The following DACH1 variants were observed in gnomAD, a reference collection of about 807,000 sequenced individuals.
DACH1 encodes the protein dachshund family transcription factor 1.
In DACH1, 12 loss-of-function variants were observed where a neutral mutation model predicts 54.2. The observed-to-expected ratio is 0.22, with a 90% CI of 0.14 to 0.36. DACH1 has a LOEUF of 0.36. Among genes scored for constraint, DACH1 ranks in the 10% least tolerant of loss-of-function variants. The probability of loss-of-function intolerance (pLI) is 1.00; values close to 1 mark genes in which losing one functional copy is unlikely to be tolerated. For missense variants in DACH1, 805 were observed against 929.8 expected, an observed-to-expected ratio of 0.87 and a Z score of 1.75; for synonymous variants, 386 against 366.2, an observed-to-expected ratio of 1.05 and a Z score of -0.62.
chr13:71,866,758 C>T lies in DACH1; in HGVS notation c.12G>A (p.Pro4=). The T allele has an allele frequency of 7.3e-7, 1 of 1,375,462 alleles. No homozygotes were observed. The highest frequency in any genetic ancestry group is 9.5e-7 in the Non-Finnish European group (1 of 1,056,230). 85.2% of individuals were successfully genotyped at this position (1,375,462 alleles called of 1,614,324 possible). Residue 4 remains proline, a synonymous_variant, in exon 1 of 11, where the codon CCG becomes CCA. Transcript: ENST00000613252. ...GCTGGGTCGGAGGGATCAAAGCCGC[C>T]GGCACTGCCATGGTCACATATAAGG... MAV[P]AALIPPTQLV...
intron 2 of DACH1, among the ~76,000 whole-genome samples, chr13:71,673,910 C>T (rs1880376547): frequency 1.3e-5 from 2 of 151,956 alleles, no homozygotes; most frequent in African/African-American, 2.4e-5. Context: ...ATAATGCCTT[C>T]CATACACTTA....
intron 1 of DACH1, among the ~76,000 whole-genome samples, chr13:71,822,271 C>A (rs1403989274): frequency 6.6e-6 from 1 of 152,080 alleles, no homozygotes; most frequent in Non-Finnish European, 1.5e-5. Context: ...TTGTAGTGAA[C>A]AGAGATACTC....
At chr13:71,666,109 C>T (rs1435770713) in intron 2 of DACH1, among the ~76,000 whole-genome samples, 12 of 152,104 alleles carry the variant, frequency 7.9e-5, no homozygotes, top group East Asian at 7.7e-4. Flanking sequence ...CCAGAAACTA[C>T]GCTAGCAATA....
intron 3 of DACH1, among the ~76,000 whole-genome samples, chr13:71,611,009 A>G (rs1229659863): frequency 1.3e-5 from 2 of 152,214 alleles, no homozygotes; most frequent in Non-Finnish European, 1.5e-5. Context: ...CACAAAGCAT[A>G]TCACAGTCAG....
chr13:71,598,068 A>T (rs977334310), intron 3 of DACH1, among the ~76,000 whole-genome samples: 1 of 147,606 alleles, frequency 6.8e-6, no homozygotes, highest in Non-Finnish European at 1.5e-5. Context: ...CAACAGAGCA[A>T]GACCCTGTCA....
chr13:71,792,561 C>T lies in DACH1; in HGVS notation c.848+73361G>A, dbSNP rs190618883. Among the ~76,000 whole-genome samples the T allele has an allele frequency of 6.9e-3, 1,050 of 152,208 alleles. 11 individuals carry two copies. The highest frequency in any genetic ancestry group is 0.041 in the South Asian group (199 of 4,816). ...AGGGTGAACAAAAAATATTGTCAAA[C>T]TCAACTTGTAAAAATTTAAAATTGA... On this transcript the variant is annotated intron_variant, in intron 1 of 10. Coordinates refer to ENST00000613252, the MANE Select transcript of DACH1 (RefSeq NM_080759.6).
chr13:71,742,867 C>T (rs1884456371), intron 1 of DACH1, among the ~76,000 whole-genome samples: 1 of 152,138 alleles, frequency 6.6e-6, no homozygotes, highest in Non-Finnish European at 1.5e-5. Context: ...CTCAGCATCT[C>T]CTCTCTAAAG....
At chr13:71,587,991 C>G (rs1331022) in intron 3 of DACH1, among the ~76,000 whole-genome samples, 19,409 of 152,004 alleles carry the variant, frequency 0.13, 2,853 homozygotes, top group African/African-American at 0.36. Context: ...TCAAAGCTTT[C>G]TGTGAAAAGC....
intron 1 of DACH1, among the ~76,000 whole-genome samples, chr13:71,814,096 T>A (rs1262849840): frequency 6.6e-6 from 1 of 152,216 alleles, no homozygotes; most frequent in Non-Finnish European, 1.5e-5. Flanking sequence ...TGGCAGAAAG[T>A]AAGCTAGATT....
intron 3 of DACH1, among the ~76,000 whole-genome samples, chr13:71,588,126 T>C (rs1389510932): frequency 6.6e-6 from 1 of 152,144 alleles, no homozygotes. Flanking sequence ...AAGGTTTAGA[T>C]GGGAACGGAT....
At chr13:71,711,359 G>T (rs1882716095) in intron 1 of DACH1, among the ~76,000 whole-genome samples, 1 of 152,130 alleles carries the variant, frequency 6.6e-6, no homozygotes, top group African/African-American at 2.4e-5. Context: ...CTCTTCTCTT[G>T]AAGGTTTTTA....
intron 1 of DACH1, among the ~76,000 whole-genome samples, chr13:71,815,387 C>T (rs887293484): frequency 6.6e-6 from 1 of 152,062 alleles, no homozygotes; most frequent in Non-Finnish European, 1.5e-5. Flanking sequence ...TTCATTATTA[C>T]CATTGCCTAA....
At chr13:71,685,411 C>T (rs994993324) in intron 1 of DACH1, among the ~76,000 whole-genome samples, 3 of 152,068 alleles carry the variant, frequency 2.0e-5, no homozygotes, top group East Asian at 1.9e-4. Flanking sequence ...GATGCCTTTG[C>T]GAAGAATGAA....
chr13:71,836,977 T>C lies in DACH1; in HGVS notation c.848+28945A>G, dbSNP rs1433640812. Among the ~76,000 whole-genome samples the C allele has an allele frequency of 4.6e-5, 7 of 151,914 alleles. No homozygotes were observed. In the East Asian group the frequency reaches 1.4e-3, roughly 29 times the overall value. On this transcript the variant is annotated intron_variant, in intron 1 of 10. Transcript: ENST00000613252. ...GCATAACAAATATGCATTGAGTAGA[T>C]AAAATGTAGTTTTCATCACTTTATA...
At chr13:71,681,659 A>G in intron 2 of DACH1, 136 bp downstream of exon 2, 1 of 492,574 alleles carries the variant, frequency 2.0e-6, no homozygotes, top group Non-Finnish European at 3.5e-6. Context: ...GAAATAAATT[A>G]TCTCAGTAAC....
At chr13:71,779,217 ACG>A (rs1886239860) in intron 1 of DACH1, among the ~76,000 whole-genome samples, 1 of 92,460 alleles carries the variant, frequency 1.1e-5, no homozygotes, top group Non-Finnish European at 2.1e-5. Context: ...GTATATATAT[ACG>A]TATATACGTA....
intron 6 of DACH1, among the ~76,000 whole-genome samples, chr13:71,527,678 A>C (rs778849835): frequency 9.9e-5 from 15 of 152,238 alleles, no homozygotes; most frequent in South Asian, 2.1e-4. Flanking sequence ...CCAGTGAACA[A>C]CACCAAATAT....
At chr13:71,610,679 A>G (rs1210850428) in intron 3 of DACH1, among the ~76,000 whole-genome samples, 1 of 152,212 alleles carries the variant, frequency 6.6e-6, no homozygotes, top group African/African-American at 2.4e-5. Flanking sequence ...GATTAGAAAT[A>G]TTCTGAAGTT....
chr13:71,819,893 G>A (rs1444144176), intron 1 of DACH1, among the ~76,000 whole-genome samples: 1 of 151,958 alleles, frequency 6.6e-6, no homozygotes, highest in Non-Finnish European at 1.5e-5. Flanking sequence ...ATGTGACAAA[G>A]GGTACTCGGG....
Sources: gnomAD v4.1 joint callset for allele counts (sites outside exome capture counted in the v4.1 genomes callset) on GRCh38, gnomAD v4.1.1 for gene constraint, MANE v1.5 for transcripts, NCBI Gene and HGNC (gene_info 2026-07-23, HGNC 2026-07-21) for gene names.